The following ARHGAP15 variants were observed in gnomAD, a reference collection of about 807,000 sequenced individuals.
ARHGAP15 encodes Rho GTPase activating protein 15.
In ARHGAP15, 51 loss-of-function variants were observed where a neutral mutation model predicts 63.7. The ratio of observed to expected loss-of-function variants is 0.80; its 90% CI spans 0.64 to 1.01. ARHGAP15 has a LOEUF of 1.01. ARHGAP15 is among the 50% of genes least tolerant of loss of function. ARHGAP15 has a pLI of 0.00. For missense variants in ARHGAP15, 560 were observed against 564.6 expected (o/e 0.99, Z 0.08); for synonymous variants, 191 against 193.8 (o/e 0.99, Z 0.12).
intron 9 of ARHGAP15, among the ~76,000 whole-genome samples, chr2:143,492,868 A>G (rs1188179519): frequency 1.3e-5 from 2 of 151,892 alleles, no homozygotes; most frequent in Admixed American, 1.3e-4. Flanking sequence ...CATCCTGGCT[A>G]CCATAGTGGA....
chr2:143,138,870 G>A (rs887558568), intron 1 of ARHGAP15, among the ~76,000 whole-genome samples: 33 of 151,942 alleles, frequency 2.2e-4, no homozygotes, highest in African/African-American at 7.2e-4. Context: ...ATTATATTTC[G>A]AAGTATTGGG....
chr2:143,274,747 C>A (rs554395195), intron 6 of ARHGAP15, among the ~76,000 whole-genome samples: 1 of 152,116 alleles, frequency 6.6e-6, no homozygotes. Flanking sequence ...AATTTCATAA[C>A]GACATTAATA....
At chr2:143,661,582 G>A (rs141902141) in intron 12 of ARHGAP15, among the ~76,000 whole-genome samples, 49 of 152,248 alleles carry the variant, frequency 3.2e-4, no homozygotes, top group Admixed American at 9.2e-4. Context: ...CAAGATGGCC[G>A]AATAGGAACA....
intron 8 of ARHGAP15, among the ~76,000 whole-genome samples, chr2:143,447,706 A>G (rs976377304): frequency 6.6e-6 from 1 of 152,336 alleles, no homozygotes; most frequent in Non-Finnish European, 1.5e-5. Context: ...AGCTTGGCTC[A>G]AAAGTAATTG....
At chr2:143,612,106 A>G (rs1698278039) in intron 11 of ARHGAP15, among the ~76,000 whole-genome samples, 1 of 152,200 alleles carries the variant, frequency 6.6e-6, no homozygotes, top group Admixed American at 6.5e-5. Flanking sequence ...ATTCTTTCAC[A>G]TCTAACAGAG....
intron 13 of ARHGAP15, among the ~76,000 whole-genome samples, chr2:143,765,080 T>TTATC (rs556526504): frequency 1.2e-3 from 184 of 151,010 alleles, no homozygotes; most frequent in African/African-American, 4.3e-3. Context: ...ATTATTTATC[T>TTATC]TATCTATCTC....
At chr2:143,469,649 T>G (rs1224986654) in intron 8 of ARHGAP15, among the ~76,000 whole-genome samples, 1 of 152,196 alleles carries the variant, frequency 6.6e-6, no homozygotes, top group Non-Finnish European at 1.5e-5. Context: ...TGAATTGAGA[T>G]CCACTTTAGG....
intron 6 of ARHGAP15, among the ~76,000 whole-genome samples, chr2:143,271,081 A>G (rs1558857491): frequency 4.6e-5 from 7 of 152,194 alleles, no homozygotes. Context: ...CTTCTGTATT[A>G]GAAATTGAAG....
intron 10 of ARHGAP15, among the ~76,000 whole-genome samples, chr2:143,520,389 G>A (rs553591540): frequency 6.6e-6 from 1 of 152,148 alleles, no homozygotes; most frequent in Non-Finnish European, 1.5e-5. Flanking sequence ...TGTAAGGACA[G>A]CCTTGGGATC....
intron 6 of ARHGAP15, among the ~76,000 whole-genome samples, chr2:143,421,583 G>A (rs1688918497): frequency 1.3e-5 from 2 of 151,710 alleles, no homozygotes; most frequent in South Asian, 4.2e-4. Flanking sequence ...ATCCTTTAGT[G>A]GGTCACAGAA....
At chr2:143,443,424 A>T (rs1057474268) in intron 8 of ARHGAP15, among the ~76,000 whole-genome samples, 4 of 67,658 alleles carry the variant, frequency 5.9e-5, no homozygotes, top group Admixed American at 2.2e-4. Context: ...TGAGAGGGTC[A>T]CTCACCCTTT....
chr2:143,208,992 C>A (rs995925176), intron 3 of ARHGAP15, among the ~76,000 whole-genome samples: 3 of 152,088 alleles, frequency 2.0e-5, no homozygotes, highest in African/African-American at 7.2e-5. Context: ...CAGGCTTTTG[C>A]AGATAAACCT....
At chr2:143,403,565 A>G (rs577423648) in intron 6 of ARHGAP15, among the ~76,000 whole-genome samples, 47 of 151,914 alleles carry the variant, frequency 3.1e-4, no homozygotes, top group Non-Finnish European at 5.9e-4. Flanking sequence ...CCAAAACAAA[A>G]ACACAACCAA....
At chr2:143,737,668 A>T (rs1685795239) in intron 13 of ARHGAP15, among the ~76,000 whole-genome samples, 1 of 152,220 alleles carries the variant, frequency 6.6e-6, no homozygotes, top group Admixed American at 6.5e-5. Context: ...CATGAACATA[A>T]GGAACCATTC....
At chr2:143,396,367 A>T (rs1179217448) in intron 6 of ARHGAP15, among the ~76,000 whole-genome samples, 1 of 152,078 alleles carries the variant, frequency 6.6e-6, no homozygotes, top group Non-Finnish European at 1.5e-5. Flanking sequence ...CTGTGCCATA[A>T]CTACATTTTC....
At chr2:143,397,096 C>G (rs1024083802) in intron 6 of ARHGAP15, among the ~76,000 whole-genome samples, 1 of 152,076 alleles carries the variant, frequency 6.6e-6, no homozygotes, top group Non-Finnish European at 1.5e-5. Context: ...ACAGACTCCT[C>G]TTTGCCAGTT....
At chr2:143,726,409 C>A (rs1685278480) in intron 13 of ARHGAP15, among the ~76,000 whole-genome samples, 1 of 149,834 alleles carries the variant, frequency 6.7e-6, no homozygotes, top group Admixed American at 6.7e-5. Context: ...TATTACTCTG[C>A]CTGAAAAAAA....
chr2:143,715,131 G>T (rs1471723444), intron 13 of ARHGAP15, among the ~76,000 whole-genome samples: 2 of 152,216 alleles, frequency 1.3e-5, no homozygotes, highest in African/African-American at 4.8e-5. Context: ...GGCTGGGGAG[G>T]CCTCAGAATC....
At chr2:143,701,262 A>G (rs1684077596) in intron 12 of ARHGAP15, among the ~76,000 whole-genome samples, 1 of 152,212 alleles carries the variant, frequency 6.6e-6, no homozygotes, top group Admixed American at 6.5e-5. Flanking sequence ...GCGACAACAT[A>G]TTAAAGAACC....
Sources: gnomAD v4.1 joint callset for allele counts (sites outside exome capture counted in the v4.1 genomes callset) on GRCh38, gnomAD v4.1.1 for gene constraint, MANE v1.5 for transcripts, NCBI Gene and HGNC (gene_info 2026-07-23, HGNC 2026-07-21) for gene names.